The following FMN2 variants were observed in gnomAD, a reference collection of about 807,000 sequenced individuals.
FMN2 encodes the protein formin-2.
Under a neutral mutation model 142.3 loss-of-function variants are expected in FMN2, and 51 were observed. That is an observed-to-expected ratio of 0.36 (90% CI 0.29 to 0.45). The LOEUF is 0.45. Among genes scored for constraint, FMN2 ranks in the 20% least tolerant of loss-of-function variants. FMN2 has a pLI of 1.00. For missense variants in FMN2, 1,936 were observed against 2,122.8 expected (o/e 0.91, Z 1.73); for synonymous variants, 882 against 869.8 (o/e 1.01, Z -0.25).
intron 1 of FMN2, among the ~76,000 whole-genome samples, chr1:240,105,391 G>A (rs1661570262): frequency 6.6e-6 from 1 of 152,090 alleles, no homozygotes; most frequent in African/African-American, 2.4e-5. Context: ...TTACAGGTGT[G>A]AGCCACTGCA....
At chr1:240,383,149 CT>C (rs1465594998) in intron 14 of FMN2, among the ~76,000 whole-genome samples, 2 of 152,090 alleles carry the variant, frequency 1.3e-5, no homozygotes, top group African/African-American at 4.8e-5. Context: ...ATACCTGAAA[CT>C]GTAAAAATGC....
rs565751598 is a variant in FMN2, at chr1:240,383,110, A to G, written c.4859-9401A>G. 4.6e-5 allele frequency among the ~76,000 whole-genome samples: 7 copies of G among 152,314 alleles called. No individual in the cohort carries two copies. The East Asian group carries it at 1.4e-3, about 29-fold the overall frequency. Reference sequence around the variant, plus strand: ...AGTCTCTCACCATATACAAAATTTTACTCAAAATGGGCTAAAGACTTAAAT... The same window carrying G: ...AGTCTCTCACCATATACAAAATTTTGCTCAAAATGGGCTAAAGACTTAAAT... On this transcript the variant is annotated intron_variant, in intron 14 of 17. Coordinates refer to ENST00000319653, the MANE Select transcript of FMN2 (RefSeq NM_020066.5).
At chr1:240,097,156 G>A (rs950842298) in intron 1 of FMN2, among the ~76,000 whole-genome samples, 2 of 152,000 alleles carry the variant, frequency 1.3e-5, no homozygotes, top group African/African-American at 4.8e-5. Context: ...TAAACACATG[G>A]AATAAAAGTT....
chr1:240,456,535 C>T (rs1676250776), intron 16 of FMN2, among the ~76,000 whole-genome samples: 1 of 152,210 alleles, frequency 6.6e-6, no homozygotes, highest in Non-Finnish European at 1.5e-5. Context: ...CGGTTCACCA[C>T]AACCTCTGCC....
chr1:240,282,738 A>T (rs1280101476), intron 7 of FMN2, among the ~76,000 whole-genome samples: 5 of 152,184 alleles, frequency 3.3e-5, no homozygotes, highest in Admixed American at 2.0e-4. Context: ...ATTTCCTTTC[A>T]TCTTATCATC....
At chr1:240,259,473 TGA>T (rs1668552203) in intron 7 of FMN2, among the ~76,000 whole-genome samples, 3 of 147,202 alleles carry the variant, frequency 2.0e-5, no homozygotes, top group African/African-American at 5.1e-5. Context: ...TTAGTCCCTT[TGA>T]AACCCTGTAC....
At chr1:240,454,212 T>A (rs1676153033) in intron 16 of FMN2, among the ~76,000 whole-genome samples, 1 of 152,048 alleles carries the variant, frequency 6.6e-6, no homozygotes, top group African/African-American at 2.4e-5. Context: ...CTCCACCAAA[T>A]CAACTCACTC....
intron 2 of FMN2, among the ~76,000 whole-genome samples, chr1:240,174,719 T>A (rs1026487260): frequency 2.0e-5 from 3 of 152,184 alleles, no homozygotes; most frequent in Non-Finnish European, 4.4e-5. Context: ...TCTTAAGAAC[T>A]GACTTGTCAA....
chr1:240,389,717 C>T (rs796812396), intron 14 of FMN2, among the ~76,000 whole-genome samples: 3 of 152,020 alleles, frequency 2.0e-5, no homozygotes, highest in Non-Finnish European at 2.9e-5. Context: ...TTTGAGAGAC[C>T]GAGACGGAAG....
In FMN2 at chr1:240,257,927, ACTTT is replaced by A; in HGVS notation, c.4066-11_4066-8del. ...GTTCAAATTAACATTTTCCCCTTTTACTTTCTTTCTCGAGCAGGTTGTCAAGTTA... is the reference window on the plus strand; with the variant it reads ...GTTCAAATTAACATTTTCCCCTTTTACTTTCTCGAGCAGGTTGTCAAGTTA... On this transcript the variant is annotated splice_polypyrimidine_tract_variant and intron_variant, in intron 6 of 17. Transcript: ENST00000319653. The A allele has an allele frequency of 3.1e-6, 5 of 1,606,394 alleles. No homozygotes were observed. Among genetic ancestry groups the A allele is most frequent in the East Asian group, 2.2e-5 (1 of 44,700 alleles).
chr1:240,092,971 C>G lies in FMN2; in HGVS notation c.862C>G (p.Arg288Gly). ...GCCCGAGAGCCTGGCCGCCGAGCCCCGGGAGCCCCAGCAACCGCCGTCCCC... is the reference window on the plus strand; with the variant it reads ...GCCCGAGAGCCTGGCCGCCGAGCCCGGGGAGCCCCAGCAACCGCCGTCCCC... ...DLPESLAAEP[R>G]EPQQPPSPGG... is the part of the protein sequence containing the mutation. Residue 288 changes from arginine (R) to glycine (G), a missense_variant, in exon 1 of 18, where the codon CGG (arginine) becomes GGG (glycine). Around this residue, in one of 8 missense-constraint regions of FMN2, gnomAD observed 751 missense variants for 791.8 expected, o/e 0.95. Transcript: ENST00000319653. 7.1e-7 allele frequency: 1 copy of G among 1,410,042 alleles called. No individual in the cohort carries two copies. Among genetic ancestry groups the G allele is most frequent in the Non-Finnish European group, 9.2e-7 (1 of 1,090,242 alleles). The allele number at this position is 1,410,042 out of a possible 1,614,324, so 87.3% of individuals were successfully genotyped here. A position where few individuals can be genotyped will look rare whatever the true frequency, so the allele number is the denominator to read the frequency against.
At chr1:240,468,473 C>T (rs1366457726) in intron 16 of FMN2, among the ~76,000 whole-genome samples, 2 of 152,180 alleles carry the variant, frequency 1.3e-5, no homozygotes, top group Non-Finnish European at 2.9e-5. Context: ...CAGCCCCGCT[C>T]TGGTTTCCTC....
At chr1:240,336,130 C>T (rs570253221) in intron 13 of FMN2, among the ~76,000 whole-genome samples, 18 of 151,856 alleles carry the variant, frequency 1.2e-4, no homozygotes, top group Admixed American at 6.6e-4. Context: ...GCAACAAGAG[C>T]GAAACTCCAT....
chr1:240,277,611 C>T (rs1172894882), intron 7 of FMN2, among the ~76,000 whole-genome samples: 1 of 143,770 alleles, frequency 7.0e-6, no homozygotes, highest in Non-Finnish European at 1.5e-5. Flanking sequence ...TGGCTTGCTG[C>T]AACCTCTGCC....
chr1:240,371,025 G>A (rs1267276054), intron 14 of FMN2, among the ~76,000 whole-genome samples: 4 of 152,010 alleles, frequency 2.6e-5, no homozygotes, highest in Non-Finnish European at 5.9e-5. Context: ...TGCAACCTCC[G>A]CCTCCTGGGT....
At chr1:240,171,285 GA>G (rs1664692420) in intron 2 of FMN2, 5 of 735,436 alleles carry the variant, frequency 6.8e-6, no homozygotes, top group Non-Finnish European at 1.3e-5. Flanking sequence ...GAACTGTTGT[GA>G]AGATTTAATT....
intron 1 of FMN2, among the ~76,000 whole-genome samples, chr1:240,104,125 G>T (rs993521720): frequency 2.0e-5 from 3 of 151,112 alleles, no homozygotes; most frequent in Non-Finnish European, 4.4e-5. Flanking sequence ...TGATCCGCCC[G>T]CCTCAGCCTC....
chr1:240,434,315 C>A (rs1049340142), intron 15 of FMN2, among the ~76,000 whole-genome samples: 18 of 152,194 alleles, frequency 1.2e-4, no homozygotes, highest in African/African-American at 3.9e-4. Context: ...TGGCTGGGAT[C>A]CTCCAGATTT....
intron 16 of FMN2, among the ~76,000 whole-genome samples, chr1:240,440,016 A>G (rs1041508169): frequency 6.6e-6 from 1 of 152,168 alleles, no homozygotes; most frequent in Non-Finnish European, 1.5e-5. Flanking sequence ...CATGTCTAGG[A>G]TTAGAGTCCT....
Sources: gnomAD v4.1 joint callset for allele counts (sites outside exome capture counted in the v4.1 genomes callset) on GRCh38, gnomAD v4.1.1 for gene constraint, gnomAD v4.1.1 regional missense constraint, MANE v1.5 for transcripts, NCBI Gene and HGNC (gene_info 2026-07-23, HGNC 2026-07-21) for gene names.